Variants in RAD18 observed in about 807,000 individuals in gnomAD.
The protein encoded by RAD18 is E3 ubiquitin-protein ligase RAD18.
A neutral mutation model predicts 60.4 loss-of-function variants in RAD18; 47 were observed. The ratio of observed to expected loss-of-function variants is 0.78; its 90% CI spans 0.62 to 0.99. RAD18 has a LOEUF of 0.99. RAD18 is among the 50% of genes least tolerant of loss of function. The pLI is 0.00. For missense variants in RAD18, 640 were observed against 593.3 expected (o/e 1.08, Z -0.82); for synonymous variants, 225 against 195.5 (o/e 1.15, Z -1.26).
intron 9 of RAD18, among the ~76,000 whole-genome samples, chr3:8,909,042 G>T (rs1418072263): frequency 5.3e-5 from 8 of 152,198 alleles, no homozygotes; most frequent in African/African-American, 1.9e-4. Flanking sequence ...AGTTGAGCTG[G>T]TTGAGAGTGG....
intron 7 of RAD18, among the ~76,000 whole-genome samples, chr3:8,929,604 C>G (rs568732311): frequency 7.2e-4 from 109 of 151,684 alleles, no homozygotes; most frequent in African/African-American, 2.5e-3. Flanking sequence ...AAAAGACAGA[C>G]TAACAGGTGT....
chr3:8,910,113 A>G (rs1034319345), intron 9 of RAD18, among the ~76,000 whole-genome samples: 8 of 152,192 alleles, frequency 5.3e-5, no homozygotes, highest in Non-Finnish European at 1.0e-4. Flanking sequence ...GAAGGCAAAA[A>G]GGACAAGCAT....
intron 5 of RAD18, among the ~76,000 whole-genome samples, chr3:8,941,029 C>T (rs1940738099): frequency 6.6e-6 from 1 of 152,194 alleles, no homozygotes. Context: ...AGCAGGACTT[C>T]TGAGACAGAG....
intron 12 of RAD18, among the ~76,000 whole-genome samples, chr3:8,888,792 C>T (rs1559754839): frequency 6.6e-6 from 1 of 152,174 alleles, no homozygotes; most frequent in Admixed American, 6.5e-5. Context: ...TAGATGAGCT[C>T]TTGTATCTTT....
chr3:8,939,231 A>T (rs1218506338), intron 6 of RAD18, among the ~76,000 whole-genome samples: 2 of 152,160 alleles, frequency 1.3e-5, no homozygotes, highest in Non-Finnish European at 2.9e-5. Flanking sequence ...TTCTTTGGCC[A>T]AGAGGCTTTT....
chr3:8,908,148 G>C (rs1486860712), intron 9 of RAD18, among the ~76,000 whole-genome samples: 4 of 152,162 alleles, frequency 2.6e-5, no homozygotes, highest in African/African-American at 9.7e-5. Context: ...TGTTGGTTCT[G>C]TTTCCCTTCA....
At chr3:8,898,370 G>C (rs1223581837) in intron 11 of RAD18, among the ~76,000 whole-genome samples, 1 of 121,050 alleles carries the variant, frequency 8.3e-6, no homozygotes, top group African/African-American at 3.1e-5. Context: ...ACTGGTATGT[G>C]TGTGTGCATG....
chr3:8,941,931 C>A, intron 4 of RAD18, 127 bp from the exon 5 acceptor site: 1 of 842,152 alleles, frequency 1.2e-6, no homozygotes. Flanking sequence ...TAATGACAAC[C>A]AAACCAAAGT....
At chr3:8,942,450 T>G (rs1262761387) in intron 4 of RAD18, among the ~76,000 whole-genome samples, 1 of 152,200 alleles carries the variant, frequency 6.6e-6, no homozygotes, top group Non-Finnish European at 1.5e-5. Context: ...CTCTTTTCTT[T>G]GTAAATTACC....
At chr3:8,928,998 A>G (rs1417182470) in intron 7 of RAD18, among the ~76,000 whole-genome samples, 1 of 152,228 alleles carries the variant, frequency 6.6e-6, no homozygotes, top group Non-Finnish European at 1.5e-5. Flanking sequence ...TCTATTTAAC[A>G]TATGAATCAA....
At chr3:8,954,130 T>C (rs1940971210) in intron 2 of RAD18, among the ~76,000 whole-genome samples, 1 of 152,202 alleles carries the variant, frequency 6.6e-6, no homozygotes, top group Non-Finnish European at 1.5e-5. Context: ...TAGTCTTTAG[T>C]TGGAGGGATG....
intron 7 of RAD18, among the ~76,000 whole-genome samples, chr3:8,914,788 C>G (rs1940168877): frequency 6.6e-6 from 1 of 152,042 alleles, no homozygotes; most frequent in African/African-American, 2.4e-5. Context: ...CTATCCAATC[C>G]ATTAATACAA....
At chr3:8,957,769 T>C (rs1478803366) in intron 2 of RAD18, among the ~76,000 whole-genome samples, 1 of 152,212 alleles carries the variant, frequency 6.6e-6, no homozygotes, top group Non-Finnish European at 1.5e-5. Flanking sequence ...GCTGAGGTCA[T>C]ACTGACTGAG....
intron 9 of RAD18, among the ~76,000 whole-genome samples, chr3:8,907,267 A>G (rs1940024929): frequency 6.6e-6 from 1 of 152,170 alleles, no homozygotes; most frequent in African/African-American, 2.4e-5. Context: ...TTGCTATTTC[A>G]TATGTTTTGT....
At chr3:8,941,143 A>G (rs1940740392) in intron 5 of RAD18, among the ~76,000 whole-genome samples, 1 of 152,354 alleles carries the variant, frequency 6.6e-6, no homozygotes, top group African/African-American at 2.4e-5. Flanking sequence ...GTAAAATAAG[A>G]TAAAAAGAGC....
In RAD18 at chr3:8,941,671, C is replaced by T; in HGVS notation, c.400G>A (p.Asp134Asn). 1 of 1,614,120 alleles carries T rather than the reference C, an allele frequency of 6.2e-7. No individual in the cohort carries two copies. Among genetic ancestry groups the T allele is most frequent in the Non-Finnish European group, 8.5e-7 (1 of 1,180,000 alleles). Residue 134 changes from aspartate (D) to asparagine (N), a missense_variant, in exon 5 of 13, where the codon GAT becomes AAT. By Grantham distance (23) the Asp-to-Asn change is conservative (BLOSUM62 1). Coordinates refer to ENST00000264926, the MANE Select transcript of RAD18 (RefSeq NM_020165.4). ...QSLKQGSRLM[D>N]NFLIREMSGS... ...CTCATTTCTCTGATCAAGAAATTAT[C>T]CATTAACCTGCTCCCCTGCTTTAAA...
chr3:8,934,478 C>T (rs985579958), intron 7 of RAD18, among the ~76,000 whole-genome samples: 2 of 152,088 alleles, frequency 1.3e-5, no homozygotes, highest in Non-Finnish European at 2.9e-5. Context: ...ATCCAGATGG[C>T]CAACAAGCAT....
At position 8,881,314 on chromosome 3, in the gene RAD18, G is replaced by C. The variant is rs375666126; in HGVS notation, c.*43C>G. 1 of 1,455,524 alleles carries C rather than the reference G, an allele frequency of 6.9e-7. No homozygotes were observed. Among genetic ancestry groups the C allele is most frequent in the Non-Finnish European group, 9.6e-7 (1 of 1,046,862 alleles). The allele number at this position is 1,455,524 out of a possible 1,614,324, so 90.2% of individuals were successfully genotyped here. A position where few individuals can be genotyped will look rare whatever the true frequency, so the allele number is the denominator to read the frequency against. On this transcript the variant is annotated 3_prime_UTR_variant, in exon 13 of 13. Coordinates refer to ENST00000264926, the MANE Select transcript of RAD18 (RefSeq NM_020165.4). ...ATCTATCTGTGGCAACCAAAAGTAC[G>C]GTATTCTAATCAATGCATTTGAAAA...
chr3:8,916,911 G>A (rs1415139980), intron 7 of RAD18, among the ~76,000 whole-genome samples: 1 of 152,008 alleles, frequency 6.6e-6, no homozygotes, highest in Non-Finnish European at 1.5e-5. Context: ...AAAAAGGGAG[G>A]AGAAGAAATC....
Sources: allele counts gnomAD v4.1 joint callset (sites outside exome capture counted in the v4.1 genomes callset), GRCh38; gene constraint gnomAD v4.1.1; transcripts MANE v1.5; gene names NCBI Gene and HGNC (gene_info 2026-07-23, HGNC 2026-07-21).